The following DPYD variants were observed in gnomAD, a reference collection of about 807,000 sequenced individuals.
The protein encoded by DPYD is dihydropyrimidine dehydrogenase [NADP(+)].
Under a neutral mutation model 116.2 loss-of-function variants are expected in DPYD, and 109 were observed. The ratio of observed to expected loss-of-function variants is 0.94; its 90% confidence interval spans 0.80 to 1.10. DPYD has a LOEUF of 1.10. Among genes scored for constraint, DPYD ranks in the 50% least tolerant of loss-of-function variants. DPYD has a pLI of 0.00. For missense variants in DPYD, 1,302 were observed against 1,254.5 expected (o/e 1.04, Z -0.57); for synonymous variants, 440 against 432.0 (o/e 1.02, Z -0.23).
chr1:97,467,831 C>G (rs1677416818), intron 13 of DPYD, among the ~76,000 whole-genome samples: 1 of 152,230 alleles, frequency 6.6e-6, no homozygotes, highest in South Asian at 2.1e-4. Flanking sequence ...CTTGCCATAT[C>G]CCAATGCTTT....
intron 8 of DPYD, among the ~76,000 whole-genome samples, chr1:97,619,238 T>A (rs1184005145): frequency 6.6e-6 from 1 of 152,204 alleles, no homozygotes; most frequent in African/African-American, 2.4e-5. Context: ...CTTTTAGGAT[T>A]GCTAGAGATG....
At chr1:97,584,752 G>GA (rs1408688245) in intron 10 of DPYD, among the ~76,000 whole-genome samples, 1 of 128,522 alleles carries the variant, frequency 7.8e-6, no homozygotes, top group Admixed American at 9.8e-5. Context: ...TGAACAATGA[G>GA]AACACATGGA....
chr1:97,081,692 T>C (rs1169158428), intron 22 of DPYD, among the ~76,000 whole-genome samples: 1 of 149,634 alleles, frequency 6.7e-6, no homozygotes, highest in African/African-American at 2.4e-5. Flanking sequence ...TTTTCTTTCT[T>C]TTTCTTTTTC....
At chr1:97,324,715 G>A (rs560965045) in intron 16 of DPYD, among the ~76,000 whole-genome samples, 1 of 152,054 alleles carries the variant, frequency 6.6e-6, no homozygotes, top group South Asian at 2.1e-4. Context: ...AAATCATTTA[G>A]CATTTTAATA....
chr1:97,455,779 C>A (rs1245307649), intron 13 of DPYD, among the ~76,000 whole-genome samples: 1 of 151,760 alleles, frequency 6.6e-6, no homozygotes, highest in Non-Finnish European at 1.5e-5. Flanking sequence ...TTATAATGGT[C>A]AGAATACTCT....
intron 14 of DPYD, among the ~76,000 whole-genome samples, chr1:97,427,525 T>C (rs1674938135): frequency 6.6e-6 from 1 of 152,034 alleles, no homozygotes. Flanking sequence ...GATTTAAAAC[T>C]CTTACCCTAA....
chr1:97,294,807 C>G (rs1298060315), intron 18 of DPYD, among the ~76,000 whole-genome samples: 1 of 152,102 alleles, frequency 6.6e-6, no homozygotes, highest in African/African-American at 2.4e-5. Flanking sequence ...TTCCTTGAAA[C>G]GAATCCAAGA....
At chr1:97,564,344 T>G (rs1308374704) in intron 11 of DPYD, among the ~76,000 whole-genome samples, 3 of 152,184 alleles carry the variant, frequency 2.0e-5, no homozygotes, top group African/African-American at 7.2e-5. Flanking sequence ...TTATGGAATA[T>G]GACAGGCTTC....
At chr1:97,284,977 G>T (rs191630253) in intron 18 of DPYD, among the ~76,000 whole-genome samples, 11 of 152,206 alleles carry the variant, frequency 7.2e-5, no homozygotes, top group Admixed American at 6.5e-4. Flanking sequence ...CTGTCTGCTT[G>T]TTTGGGAAAA....
chr1:97,326,162 G>A (rs1668695889), intron 16 of DPYD, among the ~76,000 whole-genome samples: 1 of 151,870 alleles, frequency 6.6e-6, no homozygotes, highest in Admixed American at 6.6e-5. Flanking sequence ...TCAAGATAAG[G>A]ACAAATCAGA....
At position 97,407,874 on chromosome 1, in the gene DPYD, A is replaced by T. The variant is rs566357219; in HGVS notation, c.1906-25413T>A. Among the ~76,000 whole-genome samples the T allele has an allele frequency of 5.3e-5, 8 of 152,272 alleles. No homozygotes were observed. In the South Asian group the frequency reaches 1.7e-3, roughly 32 times the overall value. On this transcript the variant is annotated intron_variant, in intron 14 of 22. Transcript: ENST00000370192. Reference sequence around the variant, plus strand: ...TAATGCTGCAACCAGGAGACACAACAACGATTCCATTAAACTGCAAGTTAA... The same window carrying T: ...TAATGCTGCAACCAGGAGACACAACTACGATTCCATTAAACTGCAAGTTAA...
At chr1:97,213,687 A>G (rs1157356130) in intron 19 of DPYD, among the ~76,000 whole-genome samples, 1 of 152,200 alleles carries the variant, frequency 6.6e-6, no homozygotes, top group Non-Finnish European at 1.5e-5. Flanking sequence ...CCATGGGGAT[A>G]AAAAAGGAAA....
At position 97,616,380 on chromosome 1, in the gene DPYD, T is replaced by C. The variant is rs1656269614; in HGVS notation, c.851-21214A>G. On this transcript the variant is annotated intron_variant, in intron 8 of 22. Transcript: ENST00000370192. ...CTTTTTAAATATCCAAGGATCAAAA[T>C]GTAATTTAGGATAATGAGATTGAAA... Among the ~76,000 whole-genome samples, 2 of 152,188 alleles carry C rather than the reference T, an allele frequency of 1.3e-5. 1 individual carries two copies. The highest frequency in any genetic ancestry group is 2.9e-5 in the Non-Finnish European group (2 of 68,032).
chr1:97,814,090 A>G (rs1668463499), intron 3 of DPYD, among the ~76,000 whole-genome samples: 1 of 152,110 alleles, frequency 6.6e-6, no homozygotes, highest in Non-Finnish European at 1.5e-5. Flanking sequence ...CCTAACCTTT[A>G]TTGATCTCTT....
At chr1:97,324,152 G>A (rs551247493) in intron 16 of DPYD, among the ~76,000 whole-genome samples, 7 of 151,958 alleles carry the variant, frequency 4.6e-5, no homozygotes, top group South Asian at 2.1e-4. Flanking sequence ...GAGCCTTTTC[G>A]TTTTTTGCCC....
chr1:97,188,371 A>G (rs1658140321), intron 20 of DPYD, among the ~76,000 whole-genome samples: 1 of 152,180 alleles, frequency 6.6e-6, no homozygotes, highest in Non-Finnish European at 1.5e-5. Flanking sequence ...TCTAGCTGGA[A>G]TTTTAATTAT....
intron 20 of DPYD, among the ~76,000 whole-genome samples, chr1:97,183,127 T>C (rs1359088048): frequency 7.3e-6 from 1 of 137,632 alleles, no homozygotes. Context: ...ATAAAGATAT[T>C]TACTTAATGT....
chr1:97,437,179 C>T (rs1675518056), intron 14 of DPYD, among the ~76,000 whole-genome samples: 1 of 151,714 alleles, frequency 6.6e-6, no homozygotes, highest in African/African-American at 2.4e-5. Context: ...TATAACTCCT[C>T]TCTCCCACTC....
At chr1:97,340,401 T>C (rs1669532930) in intron 16 of DPYD, among the ~76,000 whole-genome samples, 1 of 152,114 alleles carries the variant, frequency 6.6e-6, no homozygotes, top group African/African-American at 2.4e-5. Context: ...AACACAACGA[T>C]GGCCAGGCAT....
Sources: gnomAD v4.1 joint callset for allele counts (sites outside exome capture counted in the v4.1 genomes callset) on GRCh38, gnomAD v4.1.1 for gene constraint, MANE v1.5 for transcripts, NCBI Gene and HGNC (gene_info 2026-07-23, HGNC 2026-07-21) for gene names.